PHLDB2: variants seen among roughly 807,000 people sequenced by gnomAD.
The protein encoded by PHLDB2 is pleckstrin homology like domain family B member 2, also known as pleckstrin homology-like domain family B member 2.
A neutral mutation model predicts 123.6 loss-of-function variants in PHLDB2; 71 were observed. That is an observed-to-expected ratio of 0.57 (90% CI 0.47 to 0.70). The LOEUF (loss-of-function observed/expected upper bound fraction) is 0.70, where lower values mean the gene tolerates loss of function less well. Among genes scored for constraint, PHLDB2 ranks in the 30% least tolerant of loss-of-function variants. The pLI, the probability that PHLDB2 is intolerant of heterozygous loss-of-function variation, is 0.00. For synonymous variants in PHLDB2, 547 were observed against 541.6 expected, an observed-to-expected ratio of 1.01 and a Z score of -0.14; for missense variants, 1,446 against 1,519.5, an observed-to-expected ratio of 0.95 and a Z score of 0.80.
chr3:111,849,065 T>C (rs1251622019), intron 2 of PHLDB2, among the ~76,000 whole-genome samples: 1 of 152,208 alleles, frequency 6.6e-6, no homozygotes, highest in Non-Finnish European at 1.5e-5. Flanking sequence ...ACTTTCCTCT[T>C]GTGAATTGAT....
intron 1 of PHLDB2, among the ~76,000 whole-genome samples, chr3:111,845,652 A>G (rs1343962511): frequency 1.3e-5 from 2 of 152,158 alleles, no homozygotes; most frequent in Non-Finnish European, 1.5e-5. Flanking sequence ...GGAAGATAGC[A>G]GTGGAATAAC....
chr3:111,803,368 G>A (rs1333955275), intron 1 of PHLDB2, among the ~76,000 whole-genome samples: 2 of 152,182 alleles, frequency 1.3e-5, no homozygotes, highest in South Asian at 4.1e-4. Context: ...TTCTGTTCTA[G>A]CCAAAGCTCT....
chr3:111,857,717 T>C (rs1047652633), upstream of PHLDB2, among the ~76,000 whole-genome samples: 2 of 152,116 alleles, frequency 1.3e-5, no homozygotes, highest in African/African-American at 2.4e-5. Context: ...TCATCATCAC[T>C]AGTCATTACA....
intron 1 of PHLDB2, among the ~76,000 whole-genome samples, chr3:111,841,670 G>C (rs1391883593): frequency 6.6e-6 from 1 of 152,164 alleles, no homozygotes. Context: ...CTCTGTACAG[G>C]GTGTCAGCTG....
chr3:111,875,241 C>T (rs560944725), intron 1 of PHLDB2, among the ~76,000 whole-genome samples: 11 of 151,974 alleles, frequency 7.2e-5, no homozygotes, highest in South Asian at 2.1e-4. Context: ...CTCCGCCTCC[C>T]GGGTTCAGGT....
intron 1 of PHLDB2, among the ~76,000 whole-genome samples, chr3:111,783,245 C>T (rs776254732): frequency 9.2e-5 from 14 of 152,112 alleles, no homozygotes; most frequent in Middle Eastern, 3.4e-3. Flanking sequence ...AAATCTTCTA[C>T]GGGGCAATAG....
intron 1 of PHLDB2, chr3:111,732,725 T>C (rs767748951): frequency 6.6e-7 from 1 of 1,518,496 alleles, no homozygotes; most frequent in Non-Finnish European, 8.8e-7. Flanking sequence ...CTCTGGTCAC[T>C]GGCCCTTCTC....
rs185132005 is a variant in PHLDB2, at chr3:111,935,481, A to G, written c.2130+3084A>G. On this transcript the variant is annotated intron_variant, in intron 6 of 17. Transcript: ENST00000431670. ...AGGGTTCTCTAGAGGGACAGAACTA[A>G]TATGATATATGTGTATATAAGATAG... Among the ~76,000 whole-genome samples the G allele has an allele frequency of 3.7e-3, 546 of 147,462 alleles. 6 individuals carry two copies. The highest frequency in any genetic ancestry group is 0.013 in the African/African-American group (515 of 39,968).
Position 111,932,283 on chromosome 3 carries a change from T to G in PHLDB2, c.2016T>G (p.Leu672=). Residue 672 remains leucine, a synonymous_variant, in exon 6 of 18, where the codon CTT becomes CTG. Transcript: ENST00000431670. ...CTGAACTTCAGGAGAAGGTAAAGCT[T>G]GATGCTGAAAGGGAAAAACTAGAGA... ...VGEKTKEKVK[L]DAEREKLERL... 3.2e-6 allele frequency: 5 copies of G among 1,551,344 alleles called. No homozygotes were observed. Among genetic ancestry groups the G allele is most frequent in the Non-Finnish European group, 4.4e-6 (5 of 1,146,672 alleles).
At chr3:111,957,683 T>G (rs2071141108) in intron 12 of PHLDB2, 1 of 152,232 alleles carries the variant, frequency 6.6e-6, no homozygotes, top group African/African-American at 2.4e-5. Flanking sequence ...AAGCTCCTAC[T>G]TATTCATTTC....
In PHLDB2 at chr3:111,949,010, G is replaced by A; in HGVS notation, c.2566G>A (p.Asp856Asn). 6.2e-7 allele frequency: 1 copy of A among 1,613,940 alleles called. No homozygotes were observed. Among genetic ancestry groups the A allele is most frequent in the Non-Finnish European group, 8.5e-7 (1 of 1,179,924 alleles). ...ATCCCCTTCCACTCAGTTTCCTGCT[G>A]ATGCTGATGCTGTTGCCACTGAGCC... The part of the protein sequence containing the change: ...NLSPSTQFPA[D>N]ADAVATEPAT... Residue 856 changes from aspartate (D) to asparagine (N), a missense_variant, in exon 10 of 18, where the codon GAT (aspartate) becomes AAT (asparagine). Asp to Asn is a conservative substitution (Grantham distance 23). Around this residue, in one of 3 missense-constraint regions of PHLDB2, gnomAD observed 594 missense variants for 646.0 expected, o/e 0.92. Coordinates refer to ENST00000431670, the MANE Select transcript of PHLDB2 (RefSeq NM_001134438.2).
At position 111,859,581 on chromosome 3, in the gene PHLDB2, G is replaced by C. The variant is rs1293321352; in HGVS notation, c.-15+5G>C. The C allele has an allele frequency of 3.0e-6, 3 of 985,432 alleles. No homozygotes were observed. The African/African-American group carries it at 5.2e-5, about 17-fold the overall frequency. 61.0% of individuals were successfully genotyped at this position (985,432 alleles called of 1,614,324 possible). On this transcript the variant is annotated splice_donor_5th_base_variant and intron_variant, in intron 1 of 17. Transcript: ENST00000431670. ...ACGGGCTGCACCAATGGCCAGGTGA[G>C]GAGGCGGCGGTGGTCGCCCGGGAGG... is the stretch of plus-strand genomic sequence containing the variant.
chr3:111,811,629 A>G (rs951222818), intron 1 of PHLDB2, among the ~76,000 whole-genome samples: 1 of 152,116 alleles, frequency 6.6e-6, no homozygotes, highest in Non-Finnish European at 1.5e-5. Flanking sequence ...ACAGGTAATC[A>G]ATAGATTCCT....
At chr3:111,969,625 A>G in intron 15 of PHLDB2, 65 bp from the exon 16 acceptor site, 1 of 1,331,204 alleles carries the variant, frequency 7.5e-7, no homozygotes, top group African/African-American at 1.5e-5. Context: ...CTGCTTCTAA[A>G]CATCTGTGAC....
At chr3:111,946,100 C>G (rs2070290967) in intron 9 of PHLDB2, among the ~76,000 whole-genome samples, 1 of 152,192 alleles carries the variant, frequency 6.6e-6, no homozygotes, top group African/African-American at 2.4e-5. Context: ...CAGCTCACTG[C>G]AACCTCCGCT....
intron 1 of PHLDB2, among the ~76,000 whole-genome samples, chr3:111,832,803 A>G (rs62644681): frequency 0.028 from 328 of 11,524 alleles, no homozygotes; most frequent in Middle Eastern, 0.12. Context: ...TATATATAAT[A>G]GAATTATACA....
At chr3:111,802,382 T>C (rs987231775) in intron 1 of PHLDB2, among the ~76,000 whole-genome samples, 6 of 152,232 alleles carry the variant, frequency 3.9e-5, no homozygotes, top group African/African-American at 1.4e-4. Context: ...ATTTTCTCTG[T>C]GTTGTCCTAG....
At chr3:111,750,788 A>C (rs1447760334) in intron 1 of PHLDB2, among the ~76,000 whole-genome samples, 2 of 152,082 alleles carry the variant, frequency 1.3e-5, no homozygotes, top group East Asian at 3.9e-4. Flanking sequence ...TCTACTAAAA[A>C]TACAAAAATT....
At position 111,913,530 on chromosome 3, in the gene PHLDB2, A is replaced by G; in HGVS notation, c.1547A>G (p.Asp516Gly). The change falls in exon 3 of 18, where the codon GAT becomes GGT. Residue 516 changes from aspartate to glycine, a missense_variant. By Grantham distance (94) the Asp-to-Gly change is moderately conservative (BLOSUM62 -1). Coordinates refer to ENST00000431670, the MANE Select transcript of PHLDB2 (RefSeq NM_001134438.2). ...TGCCACCGGAAAGACTCCCTCCCTG[A>G]TGCAGACTTGGCAAGCTGTGGGAGT... ...YRCHRKDSLP[D>G]ADLASCGSLS... 6.2e-7 allele frequency: 1 copy of G among 1,614,128 alleles called. No individual in the cohort carries two copies. Among genetic ancestry groups the G allele is most frequent in the Non-Finnish European group, 8.5e-7 (1 of 1,180,002 alleles).
Sources: allele counts gnomAD v4.1 joint callset (sites outside exome capture counted in the v4.1 genomes callset), GRCh38; gene constraint gnomAD v4.1.1; regional missense constraint gnomAD v4.1.1; transcripts MANE v1.5; gene names NCBI Gene and HGNC (gene_info 2026-07-23, HGNC 2026-07-21).